TMEM232: variants seen among roughly 807,000 people sequenced by gnomAD.
TMEM232 encodes the protein transmembrane protein 232.
A neutral mutation model predicts 78.8 loss-of-function variants in TMEM232; 80 were observed. The ratio of observed to expected loss-of-function variants is 1.01; its 90% CI spans 0.85 to 1.22. The LOEUF (loss-of-function observed/expected upper bound fraction) is 1.22. Ranked by LOEUF, TMEM232 falls within the 50% of genes most tolerant of loss-of-function variation. The pLI, the probability that TMEM232 is intolerant of heterozygous loss-of-function variation, is 0.00. For missense variants in TMEM232, 881 were observed against 742.2 expected (o/e 1.19, Z -2.17); for synonymous variants, 297 against 254.3 (o/e 1.17, Z -1.60).
intron 1 of TMEM232, among the ~76,000 whole-genome samples, chr5:110,708,521 A>G (rs777679643): frequency 7.9e-5 from 12 of 152,218 alleles, no homozygotes; most frequent in Non-Finnish European, 1.0e-4. Flanking sequence ...AAAAACAATA[A>G]CTACAAAACT....
At chr5:110,581,302 C>T (rs1344810583) in intron 10 of TMEM232, among the ~76,000 whole-genome samples, 2 of 151,838 alleles carry the variant, frequency 1.3e-5, no homozygotes, top group East Asian at 3.9e-4. Flanking sequence ...CAGCATGGTA[C>T]TAGTACAAAA....
chr5:110,682,832 C>A (rs1190899153), intron 1 of TMEM232, among the ~76,000 whole-genome samples: 1 of 152,082 alleles, frequency 6.6e-6, no homozygotes, highest in African/African-American at 2.4e-5. Flanking sequence ...CCCTGCCAAC[C>A]ACCCCTTCTG....
intron 12 of TMEM232, among the ~76,000 whole-genome samples, chr5:110,496,025 A>T (rs148136470): frequency 5.9e-5 from 9 of 151,864 alleles, no homozygotes; most frequent in Admixed American, 2.6e-4. Context: ...AGATATAGTT[A>T]TTTATAATTC....
chr5:110,618,620 C>A, intron 7 of TMEM232, 58 bp from the exon 8 acceptor site: 1 of 1,444,350 alleles, frequency 6.9e-7, no homozygotes, highest in South Asian at 1.4e-5. Context: ...AGAAAGAGTA[C>A]TCTGACTTGA....
At chr5:110,537,098 T>C (rs985030223) in intron 11 of TMEM232, among the ~76,000 whole-genome samples, 5 of 152,024 alleles carry the variant, frequency 3.3e-5, no homozygotes, top group Non-Finnish European at 7.4e-5. Context: ...CTCGGGTCAC[T>C]TGATAAACCT....
chr5:110,604,635 CT>C (rs1781328150), intron 10 of TMEM232, among the ~76,000 whole-genome samples: 1 of 152,146 alleles, frequency 6.6e-6, no homozygotes, highest in Non-Finnish European at 1.5e-5. Flanking sequence ...CTGAATCTAA[CT>C]TTTATTTCAG....
intron 10 of TMEM232, among the ~76,000 whole-genome samples, chr5:110,598,894 GA>G (rs1230687375): frequency 6.7e-6 from 1 of 148,654 alleles, no homozygotes; most frequent in Non-Finnish European, 1.5e-5. Flanking sequence ...ATAGCATTAG[GA>G]GATATACCTA....
chr5:110,651,630 A>T (rs1788313380), intron 2 of TMEM232, among the ~76,000 whole-genome samples: 1 of 152,162 alleles, frequency 6.6e-6, no homozygotes, highest in Non-Finnish European at 1.5e-5. Flanking sequence ...TTAGAGCATG[A>T]CACAATTTTG....
chr5:110,390,044 T>C (rs1755124232), intron 4 of TMEM232, among the ~76,000 whole-genome samples: 1 of 152,174 alleles, frequency 6.6e-6, no homozygotes, highest in South Asian at 2.1e-4. Flanking sequence ...TGCAGAATTT[T>C]ACCTCCTGAC....
At chr5:110,549,788 G>C (rs895861194) in intron 11 of TMEM232, among the ~76,000 whole-genome samples, 1 of 151,916 alleles carries the variant, frequency 6.6e-6, no homozygotes, top group Non-Finnish European at 1.5e-5. Context: ...ACATCTTTCC[G>C]AATTTAATTC....
chr5:110,666,314 T>C (rs890931811), intron 2 of TMEM232, among the ~76,000 whole-genome samples: 5 of 152,208 alleles, frequency 3.3e-5, no homozygotes, highest in Non-Finnish European at 7.3e-5. Context: ...ACTGTATACA[T>C]AATTTGTTTC....
intron 11 of TMEM232, among the ~76,000 whole-genome samples, chr5:110,551,623 TG>T (rs1449656962): frequency 6.6e-6 from 1 of 152,130 alleles, no homozygotes; most frequent in Non-Finnish European, 1.5e-5. Flanking sequence ...CCAGAACTGA[TG>T]AAAAAATATC....
intron 1 of TMEM232, chr5:110,720,555 T>C (rs1295047560): frequency 1.3e-5 from 2 of 152,132 alleles, no homozygotes; most frequent in African/African-American, 2.4e-5. Flanking sequence ...GAAGATGGCA[T>C]GAGTCATGAC....
chr5:110,719,345 T>G (rs1410162276), intron 1 of TMEM232, among the ~76,000 whole-genome samples: 6 of 152,012 alleles, frequency 3.9e-5, no homozygotes, highest in African/African-American at 1.4e-4. Flanking sequence ...TTACTGACAT[T>G]CTCCATTTGA....
intron 12 of TMEM232, among the ~76,000 whole-genome samples, chr5:110,467,325 C>T (rs1157141752): frequency 6.6e-6 from 1 of 152,110 alleles, no homozygotes; most frequent in Non-Finnish European, 1.5e-5. Context: ...AGGCTTTTCC[C>T]AGGTAGGAGC....
intron 10 of TMEM232, among the ~76,000 whole-genome samples, chr5:110,588,282 A>G: frequency 6.6e-6 from 1 of 152,180 alleles, no homozygotes; most frequent in East Asian, 1.9e-4. Flanking sequence ...AATGAAAGGA[A>G]GAATGCCATA....
intron 12 of TMEM232, among the ~76,000 whole-genome samples, chr5:110,526,293 A>C (rs1770591156): frequency 6.6e-6 from 1 of 151,718 alleles, no homozygotes; most frequent in Admixed American, 6.6e-5. Flanking sequence ...GATGAGAAAC[A>C]ATAAGTATTT....
intron 8 of TMEM232, among the ~76,000 whole-genome samples, chr5:110,609,591 T>G (rs1258069198): frequency 6.6e-6 from 1 of 151,880 alleles, no homozygotes; most frequent in African/African-American, 2.4e-5. Flanking sequence ...TCTATAGGCA[T>G]GTGGGATGGG....
In TMEM232 at chr5:110,671,423, A is replaced by T. The variant is rs1240317295; in HGVS notation, c.-12-4059T>A. 2.0e-5 allele frequency among the ~76,000 whole-genome samples: 3 copies of T among 152,350 alleles called. No homozygotes were observed. The East Asian group carries it at 5.8e-4, about 29-fold the overall frequency. Reference sequence around the variant, plus strand: ...GTATATAACCAAAGGATTATAAATCATTCTACTATAAAGACACATGCACAC... The same window carrying T: ...GTATATAACCAAAGGATTATAAATCTTTCTACTATAAAGACACATGCACAC... On this transcript the variant is annotated intron_variant, in intron 1 of 13. Transcript: ENST00000455884.
Sources: allele counts gnomAD v4.1 joint callset (sites outside exome capture counted in the v4.1 genomes callset), GRCh38; gene constraint gnomAD v4.1.1; transcripts MANE v1.5; gene names NCBI Gene and HGNC (gene_info 2026-07-23, HGNC 2026-07-21).